Variants in GRIK4 observed in about 807,000 individuals in gnomAD.
GRIK4 encodes glutamate ionotropic receptor kainate type subunit 4, also known as glutamate receptor ionotropic, kainate 4.
Under a neutral mutation model 104.9 loss-of-function variants are expected in GRIK4, and 40 were observed. The observed-to-expected ratio is 0.38, with a 90% CI of 0.30 to 0.50. The LOEUF (loss-of-function observed/expected upper bound fraction) is 0.50. Among genes scored for constraint, GRIK4 ranks in the 20% least tolerant of loss-of-function variants. The probability of loss-of-function intolerance (pLI) is 0.93; values close to 1 mark genes in which losing one functional copy is unlikely to be tolerated. For synonymous variants in GRIK4, 485 were observed against 524.9 expected, an observed-to-expected ratio of 0.92 and a Z score of 1.04; for missense variants, 1,047 against 1,308.1, an observed-to-expected ratio of 0.80 and a Z score of 3.08.
At chr11:120,824,322 C>T (rs915620956) in intron 6 of GRIK4, among the ~76,000 whole-genome samples, 1 of 152,120 alleles carries the variant, frequency 6.6e-6, no homozygotes, top group East Asian at 1.9e-4. Context: ...TCCTCCTGGT[C>T]AGAGCTCACA....
chr11:120,788,138 G>A lies in GRIK4; in HGVS notation c.83-14555G>A, dbSNP rs538381584. Reference sequence around the variant, plus strand: ...CCCACCTCGGCCTCCCAAAGTGCTGGGATTACAGGTGTGAGCCACCACATC... The same window carrying A: ...CCCACCTCGGCCTCCCAAAGTGCTGAGATTACAGGTGTGAGCCACCACATC... On this transcript the variant is annotated intron_variant, in intron 3 of 20. Coordinates refer to ENST00000527524, the MANE Select transcript of GRIK4 (RefSeq NM_014619.5). 1.3e-3 allele frequency among the ~76,000 whole-genome samples: 200 copies of A among 151,862 alleles called. 1 individual carries two copies. Among genetic ancestry groups the A allele is most frequent in the South Asian group, 2.7e-3 (13 of 4,802 alleles).
intron 1 of GRIK4, chr11:120,515,099 G>A (rs1180621970): frequency 6.6e-6 from 3 of 453,872 alleles, no homozygotes; most frequent in Non-Finnish European, 1.3e-5. Flanking sequence ...ATGTCACAAC[G>A]TGGTGTCTGG....
chr11:120,521,854 G>C (rs984706981), intron 1 of GRIK4, among the ~76,000 whole-genome samples: 1 of 152,202 alleles, frequency 6.6e-6, no homozygotes, highest in Non-Finnish European at 1.5e-5. Flanking sequence ...TCTCCCGCGG[G>C]TGGTTATCCT....
chr11:120,871,529 T>A, intron 9 of GRIK4: 1 of 451,662 alleles, frequency 2.2e-6, no homozygotes. Context: ...ACTGCAGAGG[T>A]GTGCACTGTT....
chr11:120,774,876 G>A (rs1033693943), intron 3 of GRIK4, among the ~76,000 whole-genome samples: 5 of 152,146 alleles, frequency 3.3e-5, no homozygotes, highest in African/African-American at 4.8e-5. Context: ...GTGAATACAC[G>A]CATGAACAAA....
At position 120,905,530 on chromosome 11, in the gene GRIK4, G is replaced by T; in HGVS notation, c.1476+37G>T. ...ACAAGTGATCTGGGCCTGAGGGTGG[G>T]CTGGGAGGGATTGGAAGAGCATGAG... On this transcript the variant is annotated intron_variant, in intron 13 of 20. Transcript: ENST00000527524. This position sits in a 1 kb window ranked among gnomAD's most constrained non-coding sequence, Gnocchi z 5.1. 9.3e-7 allele frequency: 1 copy of T among 1,078,932 alleles called. No individual in the cohort carries two copies. Among genetic ancestry groups the T allele is most frequent in the Non-Finnish European group, 1.4e-6 (1 of 704,582 alleles). 66.8% of individuals were successfully genotyped at this position (1,078,932 alleles called of 1,614,324 possible).
At chr11:120,914,805 T>C (rs1285651476) in intron 13 of GRIK4, among the ~76,000 whole-genome samples, 2 of 152,176 alleles carry the variant, frequency 1.3e-5, no homozygotes, top group African/African-American at 4.8e-5. Flanking sequence ...TGCCTTTGGT[T>C]CCAGAAGGTT....
At position 120,903,836 on chromosome 11, in the gene GRIK4, G is replaced by A. The variant is rs113814518; in HGVS notation, c.1273-1454G>A. Among the ~76,000 whole-genome samples, 725 of 152,244 alleles carry A rather than the reference G, an allele frequency of 4.8e-3. 5 individuals carry two copies. Among genetic ancestry groups the A allele is most frequent in the African/African-American group, 0.017 (693 of 41,526 alleles). On this transcript the variant is annotated intron_variant, in intron 12 of 20. Coordinates refer to ENST00000527524, the MANE Select transcript of GRIK4 (RefSeq NM_014619.5). The surrounding 1 kb of genome is among the most constrained non-coding windows in gnomAD (Gnocchi z 4.4). ...GGCACTCGCTCAGTCCTCATCCTACGGAGTCCTGCTGCCCCCACCACGCCT... is the reference window on the plus strand; with the variant it reads ...GGCACTCGCTCAGTCCTCATCCTACAGAGTCCTGCTGCCCCCACCACGCCT...
At chr11:120,588,472 T>C (rs1048812863) in intron 1 of GRIK4, among the ~76,000 whole-genome samples, 1 of 152,076 alleles carries the variant, frequency 6.6e-6, no homozygotes, top group Non-Finnish European at 1.5e-5. Flanking sequence ...ACAGGGTCTT[T>C]CCTTGGCTAA....
rs1943704471 is a variant in GRIK4, at chr11:120,940,762, T to C, written c.1590+302T>C. 6.6e-6 allele frequency among the ~76,000 whole-genome samples: 1 copy of C among 152,162 alleles called. No individual in the cohort carries two copies. Among genetic ancestry groups the C allele is most frequent in the Non-Finnish European group, 1.5e-5 (1 of 68,012 alleles). ...TGATTGGCCCCATGGGTCACTTTGC[T>C]CCCTTGCCTGCAGCCCAGATAAGTC... On this transcript the variant is annotated intron_variant, in intron 14 of 20. Coordinates refer to ENST00000527524, the MANE Select transcript of GRIK4 (RefSeq NM_014619.5). The surrounding 1 kb of genome is among the most constrained non-coding windows in gnomAD (Gnocchi z 4.3).
At chr11:120,539,163 C>T (rs1948007481) in intron 1 of GRIK4, among the ~76,000 whole-genome samples, 1 of 152,190 alleles carries the variant, frequency 6.6e-6, no homozygotes, top group African/African-American at 2.4e-5. Context: ...GACCAGCTTG[C>T]TCCCTGTGGG....
chr11:120,955,877 C>G (rs965289790), intron 15 of GRIK4, among the ~76,000 whole-genome samples: 3 of 151,756 alleles, frequency 2.0e-5, no homozygotes, highest in African/African-American at 7.3e-5. Context: ...GCTTTAGACA[C>G]CATCGAGGCC....
At chr11:120,583,533 G>A (rs1482304961) in intron 1 of GRIK4, among the ~76,000 whole-genome samples, 2 of 152,018 alleles carry the variant, frequency 1.3e-5, no homozygotes, top group South Asian at 2.1e-4. Context: ...TGTATTTGGT[G>A]TAAGGACGAG....
intron 13 of GRIK4, among the ~76,000 whole-genome samples, chr11:120,933,166 A>T (rs1943516995): frequency 6.6e-6 from 1 of 152,246 alleles, no homozygotes; most frequent in African/African-American, 2.4e-5. Context: ...CATTGTGTCA[A>T]CACAGCTGTG....
chr11:120,645,892 G>C (rs548481887), intron 1 of GRIK4, among the ~76,000 whole-genome samples: 1 of 152,208 alleles, frequency 6.6e-6, no homozygotes, highest in Non-Finnish European at 1.5e-5. Context: ...CCCTCCTGCC[G>C]GGTTTTGTTG....
chr11:120,784,256 C>T (rs915527360), intron 3 of GRIK4, among the ~76,000 whole-genome samples: 3 of 152,210 alleles, frequency 2.0e-5, no homozygotes, highest in South Asian at 2.1e-4. Flanking sequence ...ATACTCCCTT[C>T]CCTGTACTGG....
At chr11:120,594,029 G>A (rs1948769628) in intron 1 of GRIK4, among the ~76,000 whole-genome samples, 1 of 152,164 alleles carries the variant, frequency 6.6e-6, no homozygotes, top group African/African-American at 2.4e-5. Flanking sequence ...ACCTAAGACA[G>A]TAGCCTCCTA....
At chr11:120,516,139 G>A (rs1947721355) in intron 1 of GRIK4, among the ~76,000 whole-genome samples, 1 of 152,234 alleles carries the variant, frequency 6.6e-6, no homozygotes, top group Admixed American at 6.5e-5. Flanking sequence ...ACAGAGCCCA[G>A]CAGGGATGGG....
chr11:120,553,054 A>G (rs1041457904), intron 1 of GRIK4, among the ~76,000 whole-genome samples: 5 of 151,976 alleles, frequency 3.3e-5, no homozygotes, highest in Admixed American at 6.6e-5. Context: ...GATTGGGGTT[A>G]TCTGCAAAGG....
Sources: gnomAD v4.1 joint callset for allele counts (sites outside exome capture counted in the v4.1 genomes callset) on GRCh38, gnomAD v4.1.1 for gene constraint, Gnocchi (gnomAD v3.1) non-coding constraint, MANE v1.5 for transcripts, NCBI Gene and HGNC (gene_info 2026-07-23, HGNC 2026-07-21) for gene names.